FRMD6: variants seen among roughly 807,000 people sequenced by gnomAD.
The protein encoded by FRMD6 is FERM domain-containing protein 6.
A neutral mutation model predicts 73.2 loss-of-function variants in FRMD6; 37 were observed. The ratio of observed to expected loss-of-function variants is 0.51; its 90% CI spans 0.39 to 0.66. FRMD6 has a LOEUF of 0.66. Ranked by LOEUF, FRMD6 falls within the 30% of genes least tolerant of loss-of-function variation. The probability of loss-of-function intolerance (pLI) is 0.00; values close to 1 mark genes in which losing one functional copy is unlikely to be tolerated. For synonymous variants in FRMD6, 273 were observed against 282.2 expected (o/e 0.97, Z 0.33); for missense variants, 714 against 780.5 (o/e 0.91, Z 1.02).
At chr14:51,483,015 A>G in the FRMD6 span, among the ~76,000 whole-genome samples, 1 of 152,066 alleles carries the variant, frequency 6.6e-6, no homozygotes, top group Admixed American at 6.5e-5. Flanking sequence ...GTTGGTTTTT[A>G]ATGCATCCAG....
intron 1 of FRMD6, among the ~76,000 whole-genome samples, chr14:51,502,018 G>A (rs1256774710): frequency 6.6e-6 from 1 of 152,136 alleles, no homozygotes; most frequent in Non-Finnish European, 1.5e-5. Flanking sequence ...CCACATGTAT[G>A]TCTTCTTTTC....
intron 1 of FRMD6, among the ~76,000 whole-genome samples, chr14:51,510,004 A>G (rs1203898864): frequency 1.3e-5 from 2 of 152,250 alleles, no homozygotes; most frequent in Admixed American, 6.5e-5. Flanking sequence ...AAACAGGGCA[A>G]TCTTCCCTTC....
the FRMD6 span, among the ~76,000 whole-genome samples, chr14:51,429,989 G>A: frequency 9.2e-3 from 1,396 of 152,252 alleles, 21 homozygotes; most frequent in African/African-American, 0.032. Context: ...TCAGGCACTT[G>A]ACTTTCTGAG....
chr14:51,452,591 T>C, the FRMD6 span, among the ~76,000 whole-genome samples: 4 of 152,174 alleles, frequency 2.6e-5, no homozygotes, highest in Admixed American at 2.6e-4. Context: ...GACTTTGACT[T>C]GGATAGAGTA....
At chr14:51,701,275 C>T in intron 4 of FRMD6, 116 bp downstream of exon 4, 1 of 419,282 alleles carries the variant, frequency 2.4e-6, no homozygotes, top group South Asian at 4.6e-5. Flanking sequence ...ACTATATTTT[C>T]TACTTTATCT....
chr14:51,512,533 C>T (rs559817492), intron 1 of FRMD6, among the ~76,000 whole-genome samples: 1 of 152,278 alleles, frequency 6.6e-6, no homozygotes, highest in African/African-American at 2.4e-5. Context: ...GAATTTTCTA[C>T]CTCAGCAACT....
chr14:51,535,070 C>T (rs1193520933), intron 1 of FRMD6, among the ~76,000 whole-genome samples: 1 of 152,174 alleles, frequency 6.6e-6, no homozygotes, highest in Non-Finnish European at 1.5e-5. Flanking sequence ...TCTTCTAATG[C>T]TCAGGGAGCT....
the FRMD6 span, among the ~76,000 whole-genome samples, chr14:51,425,710 C>T: frequency 6.6e-6 from 1 of 152,198 alleles, no homozygotes; most frequent in East Asian, 1.9e-4. Flanking sequence ...CAGAATGTTG[C>T]CTGCACAGAT....
chr14:51,676,607 T>C (rs1894408983), intron 1 of FRMD6, among the ~76,000 whole-genome samples: 1 of 152,206 alleles, frequency 6.6e-6, no homozygotes, highest in East Asian at 1.9e-4. Flanking sequence ...TATCAGTATG[T>C]GATTATTCAC....
chr14:51,513,963 T>G (rs1884471392), intron 1 of FRMD6, among the ~76,000 whole-genome samples: 1 of 152,232 alleles, frequency 6.6e-6, no homozygotes, highest in South Asian at 2.1e-4. Flanking sequence ...TCTCTAAGCC[T>G]TGGTAACGTT....
At chr14:51,698,479 T>G (rs911456834) in intron 3 of FRMD6, among the ~76,000 whole-genome samples, 7 of 152,240 alleles carry the variant, frequency 4.6e-5, no homozygotes, top group Non-Finnish European at 7.4e-5. Flanking sequence ...TTGATTCCTC[T>G]TTGGGAATCT....
upstream of FRMD6, among the ~76,000 whole-genome samples, chr14:51,647,063 T>C (rs1296214323): frequency 6.6e-6 from 1 of 152,124 alleles, no homozygotes; most frequent in Non-Finnish European, 1.5e-5. Context: ...AAAGCCATAA[T>C]AGAATGGAAA....
intron 2 of FRMD6, among the ~76,000 whole-genome samples, chr14:51,586,956 A>G (rs1479754539): frequency 1.3e-5 from 2 of 152,064 alleles, no homozygotes; most frequent in Admixed American, 1.3e-4. Flanking sequence ...CCATGTTGCC[A>G]TGTTGCCTAG....
chr14:51,680,009 G>A (rs549334242), intron 1 of FRMD6, among the ~76,000 whole-genome samples: 17 of 152,246 alleles, frequency 1.1e-4, no homozygotes, highest in Middle Eastern at 3.4e-3. Context: ...GCAAAACCTC[G>A]GTTAAAGCTA....
chr14:51,546,858 A>G (rs1183760090), intron 1 of FRMD6: 2 of 152,214 alleles, frequency 1.3e-5, no homozygotes, highest in Non-Finnish European at 2.9e-5. Flanking sequence ...TAGTATCACT[A>G]CAGGAACTAA....
chr14:51,450,886 A>G, the FRMD6 span, among the ~76,000 whole-genome samples: 1 of 152,116 alleles, frequency 6.6e-6, no homozygotes, highest in Non-Finnish European at 1.5e-5. Context: ...TGCTGTGTGT[A>G]CTCCTGTGAA....
rs1327763544 is a variant in FRMD6 at position 51,722,067 on chromosome 14, G to C, written c.1479G>C (p.Leu493=). ...AGGACATGCTCATGTCGCGGAAGCT[G>C]AATGGACACTCTGGTGAGCTCTTAC... is the stretch of plus-strand genomic sequence containing the variant. ...ITEDMLMSRK[L]NGHSGLIVKE... The change falls in exon 12 of 14, where the codon CTG becomes CTC. Residue 493 remains leucine (L), a synonymous_variant. Coordinates refer to ENST00000344768, the MANE Select transcript of FRMD6 (RefSeq NM_001267046.2). 1 of 1,614,094 alleles carries C rather than the reference G, an allele frequency of 6.2e-7. No individual in the cohort carries two copies.
intron 2 of FRMD6, among the ~76,000 whole-genome samples, chr14:51,641,276 C>CT (rs1235810035): frequency 6.6e-6 from 1 of 152,174 alleles, no homozygotes; most frequent in East Asian, 1.9e-4. Flanking sequence ...CCACCATGCC[C>CT]TGCCTATTCT....
At chr14:51,620,298 C>A (rs958487161) in intron 2 of FRMD6, among the ~76,000 whole-genome samples, 1 of 152,060 alleles carries the variant, frequency 6.6e-6, no homozygotes, top group Non-Finnish European at 1.5e-5. Flanking sequence ...CCATCAAGGG[C>A]AGCTAATTAG....
Sources: gnomAD v4.1 joint callset for allele counts (sites outside exome capture counted in the v4.1 genomes callset) on GRCh38, gnomAD v4.1.1 for gene constraint, MANE v1.5 for transcripts, NCBI Gene and HGNC (gene_info 2026-07-23, HGNC 2026-07-21) for gene names.